The following TGFB1I1 variants were observed in gnomAD, a reference collection of about 807,000 sequenced individuals.
TGFB1I1 encodes transforming growth factor beta-1-induced transcript 1 protein.
TGFB1I1 carries 33 observed loss-of-function variants against 52.0 expected under a neutral mutation model. The ratio of observed to expected loss-of-function variants is 0.63; its 90% CI spans 0.48 to 0.85. The LOEUF (loss-of-function observed/expected upper bound fraction) is 0.85, where lower values mean the gene tolerates loss of function less well. TGFB1I1 is among the 40% of genes least tolerant of loss of function. The pLI, the probability that TGFB1I1 is intolerant of heterozygous loss-of-function variation, is 0.00. For synonymous variants in TGFB1I1, 236 were observed against 253.3 expected (o/e 0.93, Z 0.65); for missense variants, 577 against 614.9 (o/e 0.94, Z 0.65).
Position 31,476,411 on chromosome 16 carries a change from C to A in TGFB1I1, c.889-70C>A. On this transcript the variant is annotated intron_variant, in intron 8 of 10. Transcript: ENST00000394863. The surrounding 1 kb of genome is among the most constrained non-coding windows in gnomAD (Gnocchi z 7.6). The stretch of plus-strand genomic sequence containing the variant: ...CCACGCATGCCTTAGTCCAGTCACC[C>A]GGGTTCCGCGCGGGAGAGGAAGGCG... 2.0e-6 allele frequency: 3 copies of A among 1,492,024 alleles called. No homozygotes were observed. The highest frequency in any genetic ancestry group is 1.9e-5 in the Admixed American group (1 of 51,662). The allele number at this position is 1,492,024 out of a possible 1,614,324, so 92.4% of individuals were successfully genotyped here. A position where few individuals can be genotyped will look rare whatever the true frequency, so the allele number is the denominator to read the frequency against.
At position 31,473,711 on chromosome 16, in the gene TGFB1I1, G is replaced by A. The variant is rs2082404661; in HGVS notation, c.159G>A (p.Ser53=). 1 of 1,552,322 alleles carries A rather than the reference G, an allele frequency of 6.4e-7. No individual in the cohort carries two copies. Among genetic ancestry groups the A allele is most frequent in the Non-Finnish European group, 8.7e-7 (1 of 1,150,254 alleles). Residue 53 remains serine (S), a synonymous_variant, in exon 3 of 11, where the codon TCG becomes TCA. Coordinates refer to ENST00000394863, the MANE Select transcript of TGFB1I1 (RefSeq NM_001042454.3). ...QTGSGESSGA[S]GDKDHLYSTV... ...GGTCTGGGGAGTCTTCAGGAGCCTC[G>A]GGGGACAAGGACCACCTGTACAGGT...
chr16:31,473,348 G>T, intron 1 of TGFB1I1, 93 bp from the exon 2 acceptor site: 1 of 1,489,636 alleles, frequency 6.7e-7, no homozygotes. Flanking sequence ...CTTAATACTG[G>T]CTTCTGTCCT....
Position 31,477,381 on chromosome 16 carries a change from C to G in TGFB1I1, c.1191C>G (p.Phe397Leu). The G allele has an allele frequency of 6.2e-7, 1 of 1,611,944 alleles. No homozygotes were observed. Among genetic ancestry groups the G allele is most frequent in the Non-Finnish European group, 8.5e-7 (1 of 1,179,456 alleles). The change falls in exon 11 of 11, where the codon TTC becomes TTG. Residue 397 changes from phenylalanine to leucine, a missense_variant. Around this residue, in one of 3 missense-constraint regions of TGFB1I1, gnomAD observed 456 missense variants for 461.6 expected, o/e 0.99. Coordinates refer to ENST00000394863, the MANE Select transcript of TGFB1I1 (RefSeq NM_001042454.3). This position sits in a 1 kb window ranked among gnomAD's most constrained non-coding sequence, Gnocchi z 4.7. ...HEGRPLCENH[F>L]HARRGSLCAT... ...GCCGCCCGTTGTGCGAGAACCACTTCCACGCACGACGCGGCTCGCTGTGCG... is the reference window on the plus strand; with the variant it reads ...GCCGCCCGTTGTGCGAGAACCACTTGCACGCACGACGCGGCTCGCTGTGCG...
rs756127680 is a variant in TGFB1I1, at chr16:31,474,455, T to C, written c.519T>C (p.His173=). Reference sequence around the variant, plus strand: ...TCTCTGACTTCCGCGTTCAAAACCATGTGAGTTGGGCAGTGGGCCAGTGTC... The same window carrying C: ...TCTCTGACTTCCGCGTTCAAAACCACGTGAGTTGGGCAGTGGGCCAGTGTC... ...ASLSDFRVQN[H]LPASGPTQPP... is the part of the protein sequence containing the mutation. Residue 173 remains histidine (H), a splice_region_variant and synonymous_variant, in exon 6 of 11, where the codon CAT becomes CAC. Coordinates refer to ENST00000394863, the MANE Select transcript of TGFB1I1 (RefSeq NM_001042454.3). The surrounding 1 kb of genome is among the most constrained non-coding windows in gnomAD (Gnocchi z 4.2). 5 of 1,614,158 alleles carry C rather than the reference T, an allele frequency of 3.1e-6. No homozygotes were observed. In the Admixed American group the frequency reaches 5.0e-5, roughly 16 times the overall value.
Position 31,477,096 on chromosome 16 carries a change from G to T in TGFB1I1, c.1119+86G>T, listed in dbSNP as rs1392427821. 2.4e-6 allele frequency: 3 copies of T among 1,272,970 alleles called. No homozygotes were observed. The highest frequency in any genetic ancestry group is 3.2e-6 in the Non-Finnish European group (3 of 934,342). 78.9% of individuals were successfully genotyped at this position (1,272,970 alleles called of 1,614,324 possible). A position where few individuals can be genotyped will look rare whatever the true frequency, so the allele number is the denominator to read the frequency against. Reference sequence around the variant, plus strand: ...GGCCTTGGAGGGGCGGGTCAAGGGTGCAGGGCAGGGGGCGGGCCCTCGGGG... The same window carrying T: ...GGCCTTGGAGGGGCGGGTCAAGGGTTCAGGGCAGGGGGCGGGCCCTCGGGG... On this transcript the variant is annotated intron_variant, in intron 10 of 10. Transcript: ENST00000394863. The surrounding 1 kb of genome is among the most constrained non-coding windows in gnomAD (Gnocchi z 4.7).
chr16:31,475,529 T>C (rs7196958), intron 7 of TGFB1I1: 2,245 of 153,742 alleles, frequency 0.015, 57 homozygotes, highest in African/African-American at 0.051. Context: ...TGGGCTCAAG[T>C]GATCCTCCCA....
Position 31,474,716 on chromosome 16 carries a change from A to G in TGFB1I1, c.673A>G (p.Lys225Glu). ...CCGCCGGGGTGTTCCCACCCAGGCCAAAGGCCTCTGTGGCTCCTGCAATAA... is the reference window on the plus strand; with the variant it reads ...CCGCCGGGGTGTTCCCACCCAGGCCGAAGGCCTCTGTGGCTCCTGCAATAA... ...LSRRGVPTQA[K>E]GLCGSCNKPI... Residue 225 changes from lysine to glutamate, a missense_variant, in exon 7 of 11, where the codon AAA becomes GAA. Transcript: ENST00000394863. The surrounding 1 kb of genome is among the most constrained non-coding windows in gnomAD (Gnocchi z 4.2). The G allele has an allele frequency of 6.2e-7, 1 of 1,612,362 alleles. No homozygotes were observed. The highest frequency in any genetic ancestry group is 1.1e-5 in the South Asian group (1 of 90,780).
chr16:31,474,854 C>A lies in TGFB1I1; in HGVS notation c.714+97C>A. On this transcript the variant is annotated intron_variant, in intron 7 of 10. Transcript: ENST00000394863. This position sits in a 1 kb window ranked among gnomAD's most constrained non-coding sequence, Gnocchi z 4.2. The stretch of plus-strand genomic sequence containing the variant: ...TGCTGTTCCCTTTTAGTAAGTTAAT[C>A]TGGGAAGTGGGTATCATTATTACTT... The A allele has an allele frequency of 8.7e-7, 1 of 1,155,938 alleles. No homozygotes were observed. Among genetic ancestry groups the A allele is most frequent in the Non-Finnish European group, 1.2e-6 (1 of 812,764 alleles). The allele number at this position is 1,155,938 out of a possible 1,614,324, so 71.6% of individuals were successfully genotyped here. A position where few individuals can be genotyped will look rare whatever the true frequency, so the allele number is the denominator to read the frequency against.
Position 31,476,746 on chromosome 16 carries a change from C to T in TGFB1I1, c.971-116C>T, listed in dbSNP as rs2082426493. ...CTCTGTCCCGCCATAGACCCGGCTC[C>T]TCCTTCCCCAAGGCTCCCTCGGACT... is the stretch of plus-strand genomic sequence containing the variant. On this transcript the variant is annotated intron_variant, in intron 9 of 10. Transcript: ENST00000394863. This position sits in a 1 kb window ranked among gnomAD's most constrained non-coding sequence, Gnocchi z 7.6. The T allele has an allele frequency of 1.3e-6, 2 of 1,533,340 alleles. No homozygotes were observed. Among genetic ancestry groups the T allele is most frequent in the Admixed American group, 3.9e-5 (2 of 51,480 alleles). The allele number at this position is 1,533,340 out of a possible 1,614,324, so 95.0% of individuals were successfully genotyped here. A position where few individuals can be genotyped will look rare whatever the true frequency, so the allele number is the denominator to read the frequency against.
In TGFB1I1 at chr16:31,474,148, C is replaced by G; in HGVS notation, c.326-4C>G. The G allele has an allele frequency of 1.2e-6, 2 of 1,613,964 alleles. No homozygotes were observed. The highest frequency in any genetic ancestry group is 1.3e-5 in the African/African-American group (1 of 75,026). On this transcript the variant is annotated splice_region_variant and splice_polypyrimidine_tract_variant and intron_variant, in intron 4 of 10. Transcript: ENST00000394863. This position sits in a 1 kb window ranked among gnomAD's most constrained non-coding sequence, Gnocchi z 4.2. Reference sequence around the variant, plus strand: ...TATGTAGCGTCCTCCTCTCCTCTCTCCAGATGAAATCATGTCTCAGTTCCC... The same window carrying G: ...TATGTAGCGTCCTCCTCTCCTCTCTGCAGATGAAATCATGTCTCAGTTCCC...
At position 31,477,206 on chromosome 16, in the gene TGFB1I1, C is replaced by T; in HGVS notation, c.1120-104C>T. ...TCCCACCGGACGGGATTCTTCGCGT[C>T]TAGGGCGGGCTGCGGGGTCCCAGGG... On this transcript the variant is annotated intron_variant, in intron 10 of 10. Transcript: ENST00000394863. This position sits in a 1 kb window ranked among gnomAD's most constrained non-coding sequence, Gnocchi z 4.7. 6.7e-7 allele frequency: 1 copy of T among 1,487,056 alleles called. No individual in the cohort carries two copies. Among genetic ancestry groups the T allele is most frequent in the East Asian group, 2.4e-5 (1 of 41,700 alleles). 92.1% of individuals were successfully genotyped at this position (1,487,056 alleles called of 1,614,324 possible). A position where few individuals can be genotyped will look rare whatever the true frequency, so the allele number is the denominator to read the frequency against.
At chr16:31,473,222 G>C in intron 1 of TGFB1I1, 1 of 1,364,482 alleles carries the variant, frequency 7.3e-7, no homozygotes, top group Non-Finnish European at 9.4e-7. Flanking sequence ...AAAATAATCA[G>C]GAGGCTGGGT....
rs988379425 is a variant in TGFB1I1 at position 31,474,517 on chromosome 16, C to T, written c.520-46C>T. 3 of 1,612,596 alleles carry T rather than the reference C, an allele frequency of 1.9e-6. No individual in the cohort carries two copies. The highest frequency in any genetic ancestry group is 2.5e-6 in the Non-Finnish European group (3 of 1,179,052). On this transcript the variant is annotated intron_variant, in intron 6 of 10. Coordinates refer to ENST00000394863, the MANE Select transcript of TGFB1I1 (RefSeq NM_001042454.3). The surrounding 1 kb of genome is among the most constrained non-coding windows in gnomAD (Gnocchi z 4.2). ...CCCCAACCCCTTCTAGACAATTCCA[C>T]ATCTGCTGCTTTGCTGACTCAATTC...
chr16:31,475,932 G>T, intron 7 of TGFB1I1, 80 bp from the exon 8 acceptor site: 1 of 1,489,474 alleles, frequency 6.7e-7, no homozygotes, highest in Non-Finnish European at 9.1e-7. Flanking sequence ...GAGAGGACTC[G>T]AAAAACGCCG....
chr16:31,477,642 C>T lies in TGFB1I1; in HGVS notation c.*66C>T, dbSNP rs775270233. ...TCCCGGAAAAGCCGGGTCCTCCAGA[C>T]CCCGAGGCCTTGCTCTCAGAGCGGG... On this transcript the variant is annotated 3_prime_UTR_variant, in exon 11 of 11. Transcript: ENST00000394863. This position sits in a 1 kb window ranked among gnomAD's most constrained non-coding sequence, Gnocchi z 4.7. 4 of 1,496,262 alleles carry T rather than the reference C, an allele frequency of 2.7e-6. No homozygotes were observed. The African/African-American group carries it at 4.2e-5, about 16-fold the overall frequency. The allele number at this position is 1,496,262 out of a possible 1,614,324, so 92.7% of individuals were successfully genotyped here.
chr16:31,473,209 A>G, intron 1 of TGFB1I1: 2 of 1,347,206 alleles, frequency 1.5e-6, no homozygotes, highest in Non-Finnish European at 1.9e-6. Context: ...AGATGGGGAG[A>G]ATAAAATAAT....
Position 31,477,574 on chromosome 16 carries a change from T to C in TGFB1I1, c.1384T>C (p.Ter462ArgextTer41). The change falls in exon 11 of 11, where the codon TGA (stop) becomes CGA (arginine). Residue 462 changes from the stop codon to arginine (R), a stop_lost. Coordinates refer to ENST00000394863, the MANE Select transcript of TGFB1I1 (RefSeq NM_001042454.3). This position sits in a 1 kb window ranked among gnomAD's most constrained non-coding sequence, Gnocchi z 4.7. ...CQPCFLKLFG* is the reference protein window; with the variant it reads ...CQPCFLKLFGR Reference sequence around the variant, plus strand: ...GCCCTGCTTCCTGAAGCTCTTCGGCTGACAGCCCGCTCGGCTCGCCCTCTC... The same window carrying C: ...GCCCTGCTTCCTGAAGCTCTTCGGCCGACAGCCCGCTCGGCTCGCCCTCTC... 1.2e-6 allele frequency: 2 copies of C among 1,600,230 alleles called. No individual in the cohort carries two copies. Among genetic ancestry groups the C allele is most frequent in the Non-Finnish European group, 8.5e-7 (1 of 1,174,200 alleles).
In TGFB1I1 at chr16:31,476,243, G is replaced by C. The variant is rs1162622814; in HGVS notation, c.888+58G>C. The C allele has an allele frequency of 7.0e-6, 11 of 1,576,006 alleles. No homozygotes were observed. Among genetic ancestry groups the C allele is most frequent in the South Asian group, 2.3e-5 (2 of 86,960 alleles). ...TATCTCACCAGGAGAGCTGTGGGAC[G>C]GGCCTCCACCGCATGGGTCCCGCCC... is the stretch of plus-strand genomic sequence containing the variant. On this transcript the variant is annotated intron_variant, in intron 8 of 10. Transcript: ENST00000394863. The surrounding 1 kb of genome is among the most constrained non-coding windows in gnomAD (Gnocchi z 7.6).
In TGFB1I1 at chr16:31,476,492, C is replaced by A. The variant is rs148448987; in HGVS notation, c.900C>A (p.Thr300=). ...CTCCCTCCCTGCAGAAGATGGTGAC[C>A]GCCTTGGGCACTCACTGGCACCCAG... The part of the protein sequence containing the change: ...CNQPIRHKMV[T]ALGTHWHPEH... Residue 300 remains threonine, a synonymous_variant, in exon 9 of 11, where the codon ACC becomes ACA. Coordinates refer to ENST00000394863, the MANE Select transcript of TGFB1I1 (RefSeq NM_001042454.3). The surrounding 1 kb of genome is among the most constrained non-coding windows in gnomAD (Gnocchi z 7.6). 1 of 1,612,718 alleles carries A rather than the reference C, an allele frequency of 6.2e-7. No individual in the cohort carries two copies. The highest frequency in any genetic ancestry group is 8.5e-7 in the Non-Finnish European group (1 of 1,179,684).
Sources: allele counts gnomAD v4.1 joint callset, GRCh38; gene constraint gnomAD v4.1.1; regional missense constraint gnomAD v4.1.1; non-coding constraint Gnocchi (gnomAD v3.1); transcripts MANE v1.5; gene names NCBI Gene and HGNC (gene_info 2026-07-23, HGNC 2026-07-21).